MYH15: variants seen among roughly 807,000 people sequenced by gnomAD.
MYH15 encodes the protein myosin heavy chain 15, also known as myosin-15.
A neutral mutation model predicts 240.5 loss-of-function variants in MYH15; 227 were observed. The ratio of observed to expected loss-of-function variants is 0.94; its 90% confidence interval spans 0.85 to 1.05. MYH15 has a LOEUF of 1.05. MYH15 is among the 50% of genes least tolerant of loss of function. The pLI is 0.00. For missense variants in MYH15, 2,217 were observed against 2,247.5 expected (o/e 0.99, Z 0.27); for synonymous variants, 785 against 796.7 (o/e 0.99, Z 0.25).
At chr3:108,423,392 G>A (rs553747427) in intron 27 of MYH15, among the ~76,000 whole-genome samples, 5 of 152,322 alleles carry the variant, frequency 3.3e-5, no homozygotes, top group African/African-American at 1.2e-4. Flanking sequence ...AAGCTTGGTA[G>A]AAACAGACTT....
At position 108,505,819 on chromosome 3, in the gene MYH15, TTTC is replaced by T; in HGVS notation, c.96_98del (p.Lys33del). 1 of 1,609,390 alleles carries T rather than the reference TTTC, an allele frequency of 6.2e-7. No homozygotes were observed. The highest frequency in any genetic ancestry group is 1.3e-5 in the African/African-American group (1 of 74,150). On this transcript the variant is annotated inframe_deletion, in exon 2 of 41. Coordinates refer to ENST00000693548, the MANE Select transcript of MYH15 (RefSeq NM_014981.3). ...CATTCTCACCATCAGGAATCCAGCA[TTTC>T]TTCTTCCCTGTAGAGCAAAAAAAAA...
chr3:108,481,561 A>G (rs2083268149), intron 11 of MYH15, among the ~76,000 whole-genome samples: 1 of 152,220 alleles, frequency 6.6e-6, no homozygotes, highest in Non-Finnish European at 1.5e-5. Flanking sequence ...AGTTACTTTA[A>G]TAAGTGAGGG....
intron 9 of MYH15, among the ~76,000 whole-genome samples, chr3:108,489,257 A>G (rs1201981236): frequency 1.3e-5 from 2 of 152,214 alleles, no homozygotes; most frequent in Non-Finnish European, 2.9e-5. Context: ...TGAAGTGAAT[A>G]CACAGGGTTG....
chr3:108,469,871 C>T (rs543759224), intron 14 of MYH15, among the ~76,000 whole-genome samples, 171 bp downstream of exon 14: 135 of 152,222 alleles, frequency 8.9e-4, no homozygotes, highest in Non-Finnish European at 1.4e-3. Context: ...AAGAGAGTTT[C>T]GTTTGGATGC....
At chr3:108,459,887 T>C (rs1278931387) in intron 17 of MYH15, among the ~76,000 whole-genome samples, 1 of 152,184 alleles carries the variant, frequency 6.6e-6, no homozygotes, top group Non-Finnish European at 1.5e-5. Context: ...AGAAAAGCAA[T>C]GATTCAGACT....
rs776346217 is a variant in MYH15, at chr3:108,410,935, G to A, written c.4146-3C>T. 3.8e-6 allele frequency: 6 copies of A among 1,587,730 alleles called. No individual in the cohort carries two copies. The East Asian group carries it at 1.4e-4, about 36-fold the overall frequency. ...GCAATCTAATTGCCAGTTCCTTCCT[G>A]AGAAAGGAGGACACCCAAAGAGTGA... On this transcript the variant is annotated splice_region_variant and splice_polypyrimidine_tract_variant and intron_variant, in intron 30 of 40. Transcript: ENST00000693548.
intron 14 of MYH15, among the ~76,000 whole-genome samples, chr3:108,469,635 C>T (rs1164168154): frequency 2.0e-5 from 3 of 152,196 alleles, no homozygotes; most frequent in African/African-American, 7.2e-5. Context: ...TGTTTGCATG[C>T]TAATTTGCCA....
intron 28 of MYH15, among the ~76,000 whole-genome samples, chr3:108,418,157 C>G (rs1441729288): frequency 6.6e-6 from 1 of 152,154 alleles, no homozygotes; most frequent in South Asian, 2.1e-4. Flanking sequence ...GTTTGTCAGT[C>G]ATTCTTTCAA....
the MYH15 span, among the ~76,000 whole-genome samples, chr3:108,534,980 C>A: frequency 6.6e-6 from 1 of 151,998 alleles, no homozygotes; most frequent in Non-Finnish European, 1.5e-5. Flanking sequence ...TTCTGTATTC[C>A]CACCTGGTGG....
At chr3:108,521,612 G>A (rs896700659) in intron 1 of MYH15, among the ~76,000 whole-genome samples, 6 of 152,150 alleles carry the variant, frequency 3.9e-5, no homozygotes, top group African/African-American at 1.4e-4. Flanking sequence ...AGCAAGTACT[G>A]TATAATTATA....
intron 22 of MYH15, among the ~76,000 whole-genome samples, chr3:108,443,180 T>C (rs919238892): frequency 1.3e-5 from 2 of 152,150 alleles, no homozygotes; most frequent in African/African-American, 2.4e-5. Context: ...AGCTTTGAAA[T>C]GGGGCCCAGG....
intron 25 of MYH15, among the ~76,000 whole-genome samples, chr3:108,436,597 G>A (rs1263076047): frequency 6.6e-6 from 1 of 152,148 alleles, no homozygotes; most frequent in Non-Finnish European, 1.5e-5. Flanking sequence ...GGAGTACAGT[G>A]GCATGATCTC....
At chr3:108,526,459 G>A (rs1447169953) in intron 1 of MYH15, among the ~76,000 whole-genome samples, 1 of 152,092 alleles carries the variant, frequency 6.6e-6, no homozygotes, top group Admixed American at 6.6e-5. Flanking sequence ...TTTCCAGTCA[G>A]TTCAGCTCAT....
the MYH15 span, among the ~76,000 whole-genome samples, chr3:108,541,327 A>C: frequency 6.6e-6 from 1 of 152,050 alleles, no homozygotes; most frequent in African/African-American, 2.4e-5. Flanking sequence ...AAAAAATTAC[A>C]AATAAAAAAT....
At chr3:108,464,543 C>G (rs957889781) in intron 15 of MYH15, 95 bp downstream of exon 15, 20 of 1,233,154 alleles carry the variant, frequency 1.6e-5, no homozygotes, top group South Asian at 4.6e-5. Flanking sequence ...TTCATTTAAT[C>G]TAAACATTAC....
chr3:108,476,477 AG>A lies in MYH15; in HGVS notation c.1152del (p.Ser385LeufsTer4). 1 of 1,613,334 alleles carries A rather than the reference AG, an allele frequency of 6.2e-7. No individual in the cohort carries two copies. Among genetic ancestry groups the A allele is most frequent in the Non-Finnish European group, 8.5e-7 (1 of 1,179,468 alleles). ...TGGATCAAGCACTTTACCAACTCAG[AG>A]GAGTTAATGCCCATGAGGAAAGCAG... ...DKAAFLMGINSSELVKCLIHP... is the reference protein window; with the variant it reads ...DKAAFLMGINXSELVKCLIHP... On this transcript the variant is annotated frameshift_variant, in exon 12 of 41. Coordinates refer to ENST00000693548, the MANE Select transcript of MYH15 (RefSeq NM_014981.3). LOFTEE classifies it high-confidence loss of function.
rs893743604 is a variant in MYH15 at position 108,425,462 on chromosome 3, T to C, written c.3702+3030A>G. ...CAAAAAAGATAATTTAGGAAACCAC[T>C]GCAGTAATCTACTTAAAAAGTAGAC... On this transcript the variant is annotated intron_variant, in intron 27 of 40. Transcript: ENST00000693548. 2.6e-5 allele frequency among the ~76,000 whole-genome samples: 4 copies of C among 152,322 alleles called. No homozygotes were observed. In the South Asian group the frequency reaches 6.2e-4, roughly 24 times the overall value.
rs267599528 is a variant in MYH15 at position 108,428,780 on chromosome 3, C to A, written c.3414G>T (p.Leu1138Phe). 3 of 1,614,048 alleles carry A rather than the reference C, an allele frequency of 1.9e-6. No individual in the cohort carries two copies. The highest frequency in any genetic ancestry group is 2.5e-6 in the Non-Finnish European group (3 of 1,180,014). Residue 1138 changes from leucine to phenylalanine, a missense_variant, in exon 27 of 41, where the codon TTG (leucine) becomes TTT (phenylalanine). Leu to Phe is a conservative substitution (Grantham distance 22). Transcript: ENST00000693548. ...CTCCTACCTCCTCCAGCCTCTCATT[C>A]AAGTCAGCCAGGTCTTGGGTGAGGT... is the stretch of plus-strand genomic sequence containing the variant. ...RADLTQDLAD[L>F]NERLEEVGGS...
At position 108,472,838 on chromosome 3, in the gene MYH15, A is replaced by C. The variant is rs553286650; in HGVS notation, c.1234-1991T>G. 2.6e-5 allele frequency among the ~76,000 whole-genome samples: 4 copies of C among 152,272 alleles called. No individual in the cohort carries two copies. The South Asian group carries it at 8.3e-4, about 32-fold the overall frequency. ...TAATCATTTTCATCATTTTCTGTCC[A>C]ATGGAGAGGAAATGAGGTGGCTAAA... On this transcript the variant is annotated intron_variant, in intron 12 of 40. Transcript: ENST00000693548.
Sources: gnomAD v4.1 joint callset for allele counts (sites outside exome capture counted in the v4.1 genomes callset) on GRCh38, gnomAD v4.1.1 for gene constraint, MANE v1.5 for transcripts, NCBI Gene and HGNC (gene_info 2026-07-23, HGNC 2026-07-21) for gene names.